PTPRD: variants seen among roughly 807,000 people sequenced by gnomAD.
PTPRD encodes protein tyrosine phosphatase receptor type D.
Under a neutral mutation model 214.5 loss-of-function variants are expected in PTPRD, and 34 were observed. That is an observed-to-expected ratio of 0.16 (90% confidence interval 0.12 to 0.21). PTPRD has a LOEUF of 0.21. PTPRD is among the 10% of genes least tolerant of loss of function. PTPRD has a pLI of 1.00. For missense variants in PTPRD, 2,545 were observed against 2,398.7 expected (o/e 1.06, Z -1.27); for synonymous variants, 1,128 against 845.7 (o/e 1.33, Z -5.79).
At chr9:8,971,473 T>C (rs527251463) in intron 11 of PTPRD, among the ~76,000 whole-genome samples, 5 of 151,946 alleles carry the variant, frequency 3.3e-5, no homozygotes, top group Admixed American at 1.3e-4. Context: ...ATCTGTGAGA[T>C]GGGAAGGACA....
intron 10 of PTPRD, among the ~76,000 whole-genome samples, chr9:9,043,533 G>C (rs1037322200): frequency 2.0e-5 from 3 of 152,156 alleles, no homozygotes; most frequent in African/African-American, 7.2e-5. Context: ...AACCATCATG[G>C]AGAAGGTGCC....
chr9:9,274,317 A>G (rs1944125789), intron 9 of PTPRD, among the ~76,000 whole-genome samples: 1 of 151,314 alleles, frequency 6.6e-6, no homozygotes, highest in South Asian at 2.1e-4. Context: ...TATGTTTTCA[A>G]ACCTCTCCCA....
At chr9:8,623,029 A>G (rs1363834753) in intron 14 of PTPRD, among the ~76,000 whole-genome samples, 2 of 151,876 alleles carry the variant, frequency 1.3e-5, no homozygotes, top group South Asian at 2.1e-4. Flanking sequence ...GACTCATACT[A>G]TAGTCCCAGC....
intron 5 of PTPRD, among the ~76,000 whole-genome samples, chr9:9,877,088 A>T (rs1278317524): frequency 6.6e-6 from 1 of 152,172 alleles, no homozygotes; most frequent in African/African-American, 2.4e-5. Flanking sequence ...CCAGGCACCA[A>T]AAAGATCTAA....
At chr9:8,889,281 GAGAGAA>G (rs1344004806) in intron 11 of PTPRD, among the ~76,000 whole-genome samples, 1 of 152,088 alleles carries the variant, frequency 6.6e-6, no homozygotes, top group Non-Finnish European at 1.5e-5. Context: ...AGAGAGTAGA[GAGAGAA>G]AGAGAGAGAA....
chr9:9,728,895 T>C (rs4237178), intron 7 of PTPRD, among the ~76,000 whole-genome samples: 6,499 of 152,212 alleles, frequency 0.043, 726 homozygotes, highest in East Asian at 0.4. Flanking sequence ...GATTCATAGT[T>C]GATTTTTATT....
chr9:8,772,880 T>C (rs2095295382), intron 11 of PTPRD, among the ~76,000 whole-genome samples: 1 of 152,184 alleles, frequency 6.6e-6, no homozygotes, highest in South Asian at 2.1e-4. Context: ...CTTTTTGTTC[T>C]GAGATTCAGT....
At position 9,651,551 on chromosome 9, in the gene PTPRD, A is replaced by G. The variant is rs183531150; in HGVS notation, c.-286-76770T>C. Reference sequence around the variant, plus strand: ...AGGATAATGACCTCCAGCTCCATCCATGTCCTGCAAAGGACATGATTGTGT... The same window carrying G: ...AGGATAATGACCTCCAGCTCCATCCGTGTCCTGCAAAGGACATGATTGTGT... On this transcript the variant is annotated intron_variant, in intron 7 of 45. Coordinates refer to ENST00000381196, the MANE Select transcript of PTPRD (RefSeq NM_002839.4). Among the ~76,000 whole-genome samples, 324 of 152,234 alleles carry G rather than the reference A, an allele frequency of 2.1e-3. 1 individual carries two copies. The highest frequency in any genetic ancestry group is 7.4e-3 in the African/African-American group (307 of 41,540).
intron 10 of PTPRD, among the ~76,000 whole-genome samples, chr9:9,161,824 C>A (rs918971268): frequency 2.6e-5 from 4 of 151,672 alleles, no homozygotes; most frequent in Admixed American, 2.6e-4. Flanking sequence ...CATCATATAA[C>A]AGTAATGGTA....
chr9:9,213,320 G>C (rs2099950011), intron 9 of PTPRD, among the ~76,000 whole-genome samples: 3 of 152,052 alleles, frequency 2.0e-5, no homozygotes, highest in Non-Finnish European at 4.4e-5. Context: ...TGTGGTTTGG[G>C]GACAACAGGA....
At chr9:9,522,253 T>C (rs2096997490) in intron 8 of PTPRD, among the ~76,000 whole-genome samples, 2 of 152,026 alleles carry the variant, frequency 1.3e-5, no homozygotes. Flanking sequence ...TGTTATTTCA[T>C]TTCATGTATT....
intron 10 of PTPRD, among the ~76,000 whole-genome samples, chr9:9,099,269 C>T (rs566744742): frequency 6.6e-6 from 1 of 152,208 alleles, no homozygotes; most frequent in Non-Finnish European, 1.5e-5. Context: ...CAGTTGGGTG[C>T]TGGTTCATAA....
At chr9:9,125,930 A>G (rs747189629) in intron 10 of PTPRD, among the ~76,000 whole-genome samples, 1 of 152,200 alleles carries the variant, frequency 6.6e-6, no homozygotes, top group Non-Finnish European at 1.5e-5. Context: ...AGCCAAGTGA[A>G]CAGCAAGGGG....
At chr9:8,524,508 C>A (rs931761010) in intron 18 of PTPRD, among the ~76,000 whole-genome samples, 1 of 152,048 alleles carries the variant, frequency 6.6e-6, no homozygotes, top group African/African-American at 2.4e-5. Flanking sequence ...GACATAAACA[C>A]CTTTATGCTT....
chr9:9,391,043 A>G (rs996439531), intron 9 of PTPRD, among the ~76,000 whole-genome samples: 1 of 152,194 alleles, frequency 6.6e-6, no homozygotes. Context: ...TGCTTTAAGC[A>G]TAAGAGACTG....
chr9:9,859,038 G>T (rs753101302), intron 5 of PTPRD, among the ~76,000 whole-genome samples: 1 of 152,078 alleles, frequency 6.6e-6, no homozygotes, highest in Non-Finnish European at 1.5e-5. Context: ...GGATGATGAG[G>T]GCAGTTTTCC....
intron 7 of PTPRD, among the ~76,000 whole-genome samples, chr9:9,578,952 T>G (rs1054766686): frequency 2.0e-5 from 3 of 152,118 alleles, no homozygotes; most frequent in Admixed American, 2.0e-4. Flanking sequence ...ATTAATTCAT[T>G]TAATTCTGAT....
intron 11 of PTPRD, among the ~76,000 whole-genome samples, chr9:8,843,182 C>A (rs1281151131): frequency 6.6e-6 from 1 of 152,182 alleles, no homozygotes. Context: ...AAAGGTGGAA[C>A]TGATAGTACT....
At chr9:9,323,215 C>G (rs757489947) in intron 9 of PTPRD, among the ~76,000 whole-genome samples, 1 of 151,288 alleles carries the variant, frequency 6.6e-6, no homozygotes, top group Admixed American at 6.6e-5. Context: ...TATTTTATCA[C>G]GATGAGAAAA....
Sources: gnomAD v4.1 joint callset for allele counts (sites outside exome capture counted in the v4.1 genomes callset) on GRCh38, gnomAD v4.1.1 for gene constraint, MANE v1.5 for transcripts, NCBI Gene and HGNC (gene_info 2026-07-23, HGNC 2026-07-21) for gene names.